The following TTC23L variants were observed in gnomAD, a reference collection of about 807,000 sequenced individuals.
TTC23L encodes the protein tetratricopeptide repeat protein 23-like.
Under a neutral mutation model 48.1 loss-of-function variants are expected in TTC23L, and 42 were observed. That is an observed-to-expected ratio of 0.87 (90% CI 0.68 to 1.13). TTC23L has a LOEUF of 1.13. TTC23L is among the 50% of genes most tolerant of loss of function. The probability of loss-of-function intolerance (pLI) is 0.00; values close to 1 mark genes in which losing one functional copy is unlikely to be tolerated. For missense variants in TTC23L, 391 were observed against 421.0 expected, an observed-to-expected ratio of 0.93 and a Z score of 0.62; for synonymous variants, 159 against 157.2, an observed-to-expected ratio of 1.01 and a Z score of -0.09.
At chr5:34,914,715 G>A in the TTC23L span, 1 of 1,614,162 alleles carries the variant, frequency 6.2e-7, no homozygotes. Context: ...GCATTTGCTT[G>A]CACACACTTT....
At chr5:34,915,431 T>C in the TTC23L span, 1 of 311,226 alleles carries the variant, frequency 3.2e-6, no homozygotes, top group Non-Finnish European at 6.0e-6. Context: ...CGGTGGGGTC[T>C]GGACGCCCGA....
intron 9 of TTC23L, chr5:34,880,645 C>CTTT (rs34549849): frequency 6.6e-4 from 242 of 367,256 alleles, no homozygotes; most frequent in South Asian, 1.3e-3. Flanking sequence ...CTCTGACAAA[C>CTTT]TTTTTTTTTT....
the TTC23L span, among the ~76,000 whole-genome samples, chr5:34,919,370 G>T: frequency 1.3e-5 from 2 of 151,348 alleles, no homozygotes; most frequent in Admixed American, 1.3e-4. Context: ...GTGCTTTGGG[G>T]TTTTTTTGTT....
chr5:34,887,372 T>C (rs1762604262), intron 9 of TTC23L, among the ~76,000 whole-genome samples: 1 of 151,978 alleles, frequency 6.6e-6, no homozygotes, highest in African/African-American at 2.4e-5. Flanking sequence ...AGAAATGAGA[T>C]GAAATGGAAA....
chr5:34,882,658 C>CACACACACACACACACAA (rs1317720646), intron 9 of TTC23L, among the ~76,000 whole-genome samples: 1 of 148,840 alleles, frequency 6.7e-6, no homozygotes, highest in Non-Finnish European at 1.5e-5. Flanking sequence ...CACACACACA[C>CACACACACACACACACAA]AATATCTTTT....
chr5:34,847,208 C>T (rs1024046256), intron 3 of TTC23L, among the ~76,000 whole-genome samples: 8 of 152,126 alleles, frequency 5.3e-5, no homozygotes, highest in African/African-American at 1.9e-4. Flanking sequence ...CTGTAAATGA[C>T]CCAAGGACCT....
At chr5:34,892,365 G>C (rs1762926318) in intron 9 of TTC23L, among the ~76,000 whole-genome samples, 1 of 152,124 alleles carries the variant, frequency 6.6e-6, no homozygotes, top group African/African-American at 2.4e-5. Flanking sequence ...AGTTGCAAGG[G>C]CCTCAAATAA....
chr5:34,925,112 C>T, the TTC23L span: 2 of 1,441,654 alleles, frequency 1.4e-6, no homozygotes, highest in Non-Finnish European at 9.2e-7. Flanking sequence ...AAATTACTCC[C>T]TTTTTTCATG....
chr5:34,880,938 C>A (rs1257438893), intron 9 of TTC23L, among the ~76,000 whole-genome samples: 1 of 152,158 alleles, frequency 6.6e-6, no homozygotes, highest in East Asian at 1.9e-4. Context: ...TGTGCCCCAC[C>A]AGCATTGCCT....
intron 8 of TTC23L, 86 bp from the exon 9 acceptor site, chr5:34,880,095 A>T: frequency 6.7e-7 from 1 of 1,492,180 alleles, no homozygotes; most frequent in South Asian, 1.3e-5. Flanking sequence ...GACTTTAAGC[A>T]TGAAAATGTC....
intron 8 of TTC23L, among the ~76,000 whole-genome samples, chr5:34,870,555 C>T (rs1761383496): frequency 6.6e-6 from 1 of 152,144 alleles, no homozygotes. Flanking sequence ...ACCAATTCTA[C>T]ATAATCTGTC....
rs1013821577 is a variant in TTC23L, at chr5:34,854,608, G to A, written c.379+4300G>A. Among the ~76,000 whole-genome samples the A allele has an allele frequency of 2.6e-5, 4 of 152,204 alleles. No individual in the cohort carries two copies. In the East Asian group the frequency reaches 5.8e-4, roughly 22 times the overall value. On this transcript the variant is annotated intron_variant, in intron 4 of 10. Transcript: ENST00000505624. ...ATATAAGCTGGCCTCCTGTGTAGGCGGATGTGTGTGTCTGTGTGCGTTCAT... is the reference window on the plus strand; with the variant it reads ...ATATAAGCTGGCCTCCTGTGTAGGCAGATGTGTGTGTCTGTGTGCGTTCAT...
At chr5:34,886,201 A>T (rs897942570) in intron 9 of TTC23L, among the ~76,000 whole-genome samples, 4 of 152,162 alleles carry the variant, frequency 2.6e-5, no homozygotes, top group African/African-American at 9.7e-5. Flanking sequence ...ATTAACTATT[A>T]TTAATTACAA....
At chr5:34,866,468 C>A (rs1214040702) in intron 6 of TTC23L, among the ~76,000 whole-genome samples, 2 of 151,930 alleles carry the variant, frequency 1.3e-5, no homozygotes, top group Non-Finnish European at 2.9e-5. Flanking sequence ...TTTCTATCCT[C>A]ATTTTTAACT....
Position 34,889,832 on chromosome 5 carries a change from T to TTTTTTG in TTC23L, c.1078-6920_1078-6915dup, listed in dbSNP as rs569437461. On this transcript the variant is annotated intron_variant, in intron 9 of 10. Transcript: ENST00000505624. ...TAAACCACATTATTAGGTGGGGTTTTTTTTTGTTTTTGTTTTTGTTTTTTT... is the reference window on the plus strand; with the variant it reads ...TAAACCACATTATTAGGTGGGGTTTTTTTTTGTTTTTGTTTTTGTTTTTGTTTTTTT... 9.2e-5 allele frequency among the ~76,000 whole-genome samples: 14 copies of TTTTTTG among 152,114 alleles called. No individual in the cohort carries two copies. The South Asian group carries it at 1.7e-3, about 18-fold the overall frequency.
intron 8 of TTC23L, among the ~76,000 whole-genome samples, chr5:34,877,340 C>A (rs1270934437): frequency 2.0e-5 from 3 of 151,570 alleles, no homozygotes; most frequent in African/African-American, 7.3e-5. Flanking sequence ...CTACAAAAAA[C>A]CTGCAGCTAA....
chr5:34,890,241 T>C (rs982716443), intron 9 of TTC23L, among the ~76,000 whole-genome samples: 1 of 151,498 alleles, frequency 6.6e-6, no homozygotes, highest in African/African-American at 2.4e-5. Flanking sequence ...GCTCAGGAGT[T>C]CAAGACCAGC....
the TTC23L span, chr5:34,919,097 A>C: frequency 1.3e-5 from 2 of 150,908 alleles, no homozygotes; most frequent in African/African-American, 4.9e-5. Context: ...CAAAATAAAA[A>C]AAAAAAAAAA....
intron 10 of TTC23L, among the ~76,000 whole-genome samples, 192 bp downstream of exon 10, chr5:34,897,067 G>A (rs1763270226): frequency 6.6e-6 from 1 of 151,838 alleles, no homozygotes; most frequent in Non-Finnish European, 1.5e-5. Flanking sequence ...TTACTTTTCT[G>A]AAGGGCTTCT....
Sources: gnomAD v4.1 joint callset for allele counts (sites outside exome capture counted in the v4.1 genomes callset) on GRCh38, gnomAD v4.1.1 for gene constraint, MANE v1.5 for transcripts, NCBI Gene and HGNC (gene_info 2026-07-23, HGNC 2026-07-21) for gene names.